PLCH1: variants seen among roughly 807,000 people sequenced by gnomAD.
The protein encoded by PLCH1 is 1-phosphatidylinositol 4,5-bisphosphate phosphodiesterase eta-1.
Under a neutral mutation model 126.7 loss-of-function variants are expected in PLCH1, and 60 were observed. The ratio of observed to expected loss-of-function variants is 0.47; its 90% CI spans 0.38 to 0.59. The LOEUF (loss-of-function observed/expected upper bound fraction) is 0.59. PLCH1 is among the 20% of genes least tolerant of loss of function. The probability of loss-of-function intolerance (pLI) is 0.00; values close to 1 mark genes in which losing one functional copy is unlikely to be tolerated. For synonymous variants in PLCH1, 719 were observed against 734.9 expected (o/e 0.98, Z 0.35); for missense variants, 1,723 against 2,040.0 (o/e 0.84, Z 2.99).
At chr3:155,579,663 T>C (rs764972022) in intron 6 of PLCH1, among the ~76,000 whole-genome samples, 7 of 152,216 alleles carry the variant, frequency 4.6e-5, no homozygotes, top group Admixed American at 1.3e-4. Flanking sequence ...CATTTAACTT[T>C]GGGAGTTTGA....
intron 1 of PLCH1, among the ~76,000 whole-genome samples, chr3:155,735,659 G>T (rs1749128336): frequency 6.6e-6 from 1 of 151,454 alleles, no homozygotes. Flanking sequence ...ACTGATAAGG[G>T]TAGATTTTCA....
At chr3:155,569,612 C>T (rs1379064068) in intron 6 of PLCH1, among the ~76,000 whole-genome samples, 1 of 152,132 alleles carries the variant, frequency 6.6e-6, no homozygotes, top group Non-Finnish European at 1.5e-5. Context: ...CCCAGGCAGG[C>T]TTTGAGCAGC....
At position 155,622,259 on chromosome 3, in the gene PLCH1, A is replaced by C. The variant is rs562566864; in HGVS notation, c.80-25881T>G. On this transcript the variant is annotated intron_variant, in intron 2 of 22. Transcript: ENST00000460012. Reference sequence around the variant, plus strand: ...CCTGTCTTACAAGAGCTCCTGAAGGAAACACTAGACATGGAAAAGAACAAC... The same window carrying C: ...CCTGTCTTACAAGAGCTCCTGAAGGCAACACTAGACATGGAAAAGAACAAC... 3.9e-4 allele frequency among the ~76,000 whole-genome samples: 59 copies of C among 152,348 alleles called. No individual in the cohort carries two copies. In the East Asian group the frequency reaches 0.011, roughly 27 times the overall value.
chr3:155,523,614 C>T (rs1721494917), intron 11 of PLCH1, among the ~76,000 whole-genome samples: 1 of 152,152 alleles, frequency 6.6e-6, no homozygotes, highest in Non-Finnish European at 1.5e-5. Flanking sequence ...TTTCCAACTA[C>T]AATTTGATTT....
At chr3:155,729,944 T>C (rs1003733707) in intron 1 of PLCH1, among the ~76,000 whole-genome samples, 6 of 145,884 alleles carry the variant, frequency 4.1e-5, no homozygotes, top group Middle Eastern at 6.9e-3. Context: ...AAAAAAAGAA[T>C]GCTTAACCAT....
chr3:155,620,371 C>T (rs1736314273), intron 2 of PLCH1, among the ~76,000 whole-genome samples: 1 of 152,130 alleles, frequency 6.6e-6, no homozygotes, highest in Non-Finnish European at 1.5e-5. Context: ...GACCATACAA[C>T]AAGAATAAGC....
At chr3:155,466,546 A>G (rs1712938317) in intron 21 of PLCH1, among the ~76,000 whole-genome samples, 1 of 152,202 alleles carries the variant, frequency 6.6e-6, no homozygotes, top group Non-Finnish European at 1.5e-5. Context: ...GACAGTGAAG[A>G]CTGCAATAAA....
At chr3:155,603,703 T>C (rs72998905) in intron 2 of PLCH1, among the ~76,000 whole-genome samples, 1 of 152,306 alleles carries the variant, frequency 6.6e-6, no homozygotes, top group African/African-American at 2.4e-5. Context: ...AAAATTCCAG[T>C]TCTTCTGAAA....
At chr3:155,526,575 G>A (rs1721981116) in intron 10 of PLCH1, among the ~76,000 whole-genome samples, 1 of 151,412 alleles carries the variant, frequency 6.6e-6, no homozygotes, top group Non-Finnish European at 1.5e-5. Flanking sequence ...ATGGCAGGGA[G>A]GTGAGAGAGG....
chr3:155,702,552 T>C (rs1371156010), intron 2 of PLCH1, among the ~76,000 whole-genome samples: 1 of 152,132 alleles, frequency 6.6e-6, no homozygotes, highest in Non-Finnish European at 1.5e-5. Flanking sequence ...GCCCTTAGCA[T>C]AAGTATCTGC....
chr3:155,540,462 G>C (rs1050907250), intron 10 of PLCH1, among the ~76,000 whole-genome samples: 1 of 152,176 alleles, frequency 6.6e-6, no homozygotes, highest in African/African-American at 2.4e-5. Flanking sequence ...ACAACTCACA[G>C]AGTGGGAGAG....
In PLCH1 at chr3:155,482,796, G is replaced by A. The variant is rs771445570; in HGVS notation, c.3230C>T (p.Ser1077Phe). Residue 1077 changes from serine (S) to phenylalanine (F), a missense_variant, in exon 23 of 23, where the codon TCC becomes TTC. Around this residue, in one of 2 missense-constraint regions of PLCH1, gnomAD observed 947 missense variants for 977.1 expected, o/e 0.97. Coordinates refer to ENST00000460012, the MANE Select transcript of PLCH1 (RefSeq NM_014996.4). ...QENPCPSKSLSPKQHLAPDPV... is the reference protein window; with the variant it reads ...QENPCPSKSLFPKQHLAPDPV... ...ATCGGGAGCCAAATGCTGCTTTGGG[G>A]AGAGAGACTTGCTGGGACAGGGGTT... 1.9e-6 allele frequency: 3 copies of A among 1,614,148 alleles called. No homozygotes were observed. Among genetic ancestry groups the A allele is most frequent in the Non-Finnish European group, 2.5e-6 (3 of 1,180,018 alleles).
chr3:155,547,939 A>G lies in PLCH1; in HGVS notation c.1362+1848T>C, dbSNP rs1232922324. Among the ~76,000 whole-genome samples, 4 of 151,184 alleles carry G rather than the reference A, an allele frequency of 2.6e-5. No individual in the cohort carries two copies. The South Asian group carries it at 6.3e-4, about 24-fold the overall frequency. On this transcript the variant is annotated intron_variant, in intron 10 of 22. Coordinates refer to ENST00000460012, the MANE Select transcript of PLCH1 (RefSeq NM_014996.4). ...AGCTTTAGGAGATATACCTAATGCT[A>G]AATGACGAGTTAATGGGTGCAGCAC...
intron 21 of PLCH1, among the ~76,000 whole-genome samples, chr3:155,468,800 T>A (rs77736188): frequency 0.056 from 8,540 of 152,180 alleles, 429 homozygotes; most frequent in African/African-American, 0.14. Flanking sequence ...AAGAGAGAGC[T>A]AGGCCCCAAT....
At chr3:155,620,971 C>G (rs1736412004) in intron 2 of PLCH1, among the ~76,000 whole-genome samples, 1 of 152,190 alleles carries the variant, frequency 6.6e-6, no homozygotes, top group Non-Finnish European at 1.5e-5. Context: ...GACTGGAAGA[C>G]ACCTCCCAGT....
At position 155,554,117 on chromosome 3, in the gene PLCH1, A is replaced by T. The variant is rs1457041139; in HGVS notation, c.1149T>A (p.Asp383Glu). 2 of 1,613,846 alleles carry T rather than the reference A, an allele frequency of 1.2e-6. No homozygotes were observed. The highest frequency in any genetic ancestry group is 2.7e-5 in the African/African-American group (2 of 74,950). Reference sequence around the variant, plus strand: ...CATGCTTGTTGATGGTCTCCACAACATCTCTGAAGAGAATTTTTGAAGTGA... The same window carrying T: ...CATGCTTGTTGATGGTCTCCACAACTTCTCTGAAGAGAATTTTTGAAGTGA... Reference protein sequence around the residue: ...YTLTSKILFRDVVETINKHAF... With the variant: ...YTLTSKILFREVVETINKHAF... Residue 383 changes from aspartate to glutamate, a missense_variant, in exon 9 of 23, where the codon GAT becomes GAA. Coordinates refer to ENST00000460012, the MANE Select transcript of PLCH1 (RefSeq NM_014996.4).
chr3:155,656,921 A>G (rs189941839), intron 2 of PLCH1, among the ~76,000 whole-genome samples: 1 of 152,182 alleles, frequency 6.6e-6, no homozygotes. Flanking sequence ...TAAAAATTTT[A>G]AAAATTTAGT....
At chr3:155,666,800 T>C (rs1179491795) in intron 2 of PLCH1, among the ~76,000 whole-genome samples, 1 of 151,948 alleles carries the variant, frequency 6.6e-6, no homozygotes, top group Non-Finnish European at 1.5e-5. Context: ...GGGCAAAGGG[T>C]AAATATACAA....
At chr3:155,717,816 G>A in intron 1 of PLCH1, among the ~76,000 whole-genome samples, 1 of 152,210 alleles carries the variant, frequency 6.6e-6, no homozygotes, top group East Asian at 1.9e-4. Context: ...ATTAGCACTT[G>A]GCTCCCTTTC....
Sources: gnomAD v4.1 joint callset for allele counts (sites outside exome capture counted in the v4.1 genomes callset) on GRCh38, gnomAD v4.1.1 for gene constraint, gnomAD v4.1.1 regional missense constraint, MANE v1.5 for transcripts, NCBI Gene and HGNC (gene_info 2026-07-23, HGNC 2026-07-21) for gene names.